Variants in PBX1 observed in about 807,000 individuals in gnomAD.
The protein encoded by PBX1 is PBX homeobox 1.
A neutral mutation model predicts 53.4 loss-of-function variants in PBX1; 6 were observed. The observed-to-expected ratio is 0.11, with a 90% CI of 0.06 to 0.22. The LOEUF (loss-of-function observed/expected upper bound fraction) is 0.22, where lower values mean the gene tolerates loss of function less well. PBX1 is among the 10% of genes least tolerant of loss of function. The pLI, the probability that PBX1 is intolerant of heterozygous loss-of-function variation, is 1.00. For synonymous variants in PBX1, 204 were observed against 212.3 expected, an observed-to-expected ratio of 0.96 and a Z score of 0.34; for missense variants, 251 against 551.4, an observed-to-expected ratio of 0.46 and a Z score of 5.46.
At chr1:164,585,070 T>C (rs979158135) in intron 2 of PBX1, among the ~76,000 whole-genome samples, 1 of 152,196 alleles carries the variant, frequency 6.6e-6, no homozygotes, top group Non-Finnish European at 1.5e-5. Flanking sequence ...GGAAATTAAC[T>C]AATTAATTTG....
chr1:164,707,414 T>A (rs1354209328), intron 2 of PBX1, among the ~76,000 whole-genome samples: 4 of 106,694 alleles, frequency 3.7e-5, no homozygotes, highest in Admixed American at 1.8e-4. Context: ...TGTGTGTGTG[T>A]GTGTGAGAGA....
intron 2 of PBX1, among the ~76,000 whole-genome samples, chr1:164,750,545 G>C (rs2102192669): frequency 6.6e-6 from 1 of 152,304 alleles, no homozygotes; most frequent in East Asian, 1.9e-4. Context: ...TTCCTATTGA[G>C]TGGGAATGAA....
chr1:164,840,504 C>T, intron 8 of PBX1, among the ~76,000 whole-genome samples: 1 of 152,084 alleles, frequency 6.6e-6, no homozygotes, highest in African/African-American at 2.4e-5. Flanking sequence ...GTCTGTTTTG[C>T]ATTTTTGCAA....
chr1:164,862,581 A>G (rs143136765), intron 2 of PBX1, among the ~76,000 whole-genome samples: 159 of 152,320 alleles, frequency 1.0e-3, no homozygotes, highest in African/African-American at 3.7e-3. Context: ...TTTGGTTCAT[A>G]GTTTTCAGAT....
chr1:164,792,044 C>T (rs192260208), intron 2 of PBX1, among the ~76,000 whole-genome samples: 3 of 152,184 alleles, frequency 2.0e-5, no homozygotes, highest in African/African-American at 4.8e-5. Context: ...AGGATGGTCT[C>T]GATCTCCTGA....
intron 2 of PBX1, among the ~76,000 whole-genome samples, chr1:164,587,893 T>A (rs2101758582): frequency 6.6e-6 from 1 of 152,282 alleles, no homozygotes; most frequent in Middle Eastern, 3.4e-3. Context: ...CCACCCCTTT[T>A]CTGAATCTCC....
intron 2 of PBX1, among the ~76,000 whole-genome samples, chr1:164,578,623 A>G (rs920780526): frequency 6.6e-6 from 1 of 152,162 alleles, no homozygotes; most frequent in African/African-American, 2.4e-5. Context: ...GGCAGAATCA[A>G]TGTGACATGG....
chr1:164,818,097 A>G (rs1440753911), intron 6 of PBX1: 1 of 152,254 alleles, frequency 6.6e-6, no homozygotes, highest in Non-Finnish European at 1.5e-5. Context: ...AAATGCAAGC[A>G]TGTATTGTAA....
chr1:164,806,707 C>T (rs1669371858), intron 4 of PBX1, among the ~76,000 whole-genome samples: 1 of 152,170 alleles, frequency 6.6e-6, no homozygotes, highest in Non-Finnish European at 1.5e-5. Context: ...ATAATCATAT[C>T]TGCCTCAGTA....
At chr1:164,584,470 A>G (rs1469061964) in intron 2 of PBX1, among the ~76,000 whole-genome samples, 1 of 152,222 alleles carries the variant, frequency 6.6e-6, no homozygotes, top group East Asian at 1.9e-4. Context: ...ATTAGAAGAC[A>G]GGATGGAAAA....
intron 2 of PBX1, among the ~76,000 whole-genome samples, chr1:164,595,520 A>T (rs1655694414): frequency 1.3e-5 from 2 of 151,032 alleles, no homozygotes; most frequent in Admixed American, 1.3e-4. Flanking sequence ...TTTTTTTTAA[A>T]GGAGAAGAGG....
chr1:164,647,671 T>C (rs1353791078), intron 2 of PBX1, among the ~76,000 whole-genome samples: 1 of 152,136 alleles, frequency 6.6e-6, no homozygotes, highest in Non-Finnish European at 1.5e-5. Flanking sequence ...TGGTACAGAG[T>C]GGTTTTCAAC....
At chr1:164,706,898 TCAAA>T (rs996774170) in intron 2 of PBX1, among the ~76,000 whole-genome samples, 2 of 152,150 alleles carry the variant, frequency 1.3e-5, no homozygotes, top group East Asian at 3.9e-4. Flanking sequence ...AAACCTTTAG[TCAAA>T]CAAAAGAAGC....
At chr1:164,620,871 C>T (rs1657626058) in intron 2 of PBX1, among the ~76,000 whole-genome samples, 1 of 152,052 alleles carries the variant, frequency 6.6e-6, no homozygotes, top group Admixed American at 6.5e-5. Context: ...TGATTAGAAA[C>T]AGGGTTTCAC....
At position 164,872,961 on chromosome 1, in the gene PBX1, G is replaced by A. The variant is rs185844965; in HGVS notation, n.258-26227G>A. Among the ~76,000 whole-genome samples the A allele has an allele frequency of 6.6e-5, 10 of 152,282 alleles. No individual in the cohort carries two copies. The East Asian group carries it at 1.9e-3, about 29-fold the overall frequency. On this transcript the variant is annotated intron_variant and non_coding_transcript_variant, in intron 2 of 2. Transcript: ENST00000558796. ...ATGCAGCAAAGAGCTACCACTTTTG[G>A]AGTATTTCTCCAACAGACATTGGGC...
At chr1:164,780,868 A>ACACCGTTAGTAT (rs1206368467) in intron 2 of PBX1, among the ~76,000 whole-genome samples, 2 of 152,106 alleles carry the variant, frequency 1.3e-5, no homozygotes, top group African/African-American at 4.8e-5. Context: ...CTTGTCCAGG[A>ACACCGTTAGTAT]CACCGTTAGT....
At chr1:164,696,242 G>C (rs1662792982) in intron 2 of PBX1, among the ~76,000 whole-genome samples, 1 of 152,030 alleles carries the variant, frequency 6.6e-6, no homozygotes, top group Admixed American at 6.5e-5. Context: ...GAATGAAAAA[G>C]ATCACACTTT....
intron 2 of PBX1, among the ~76,000 whole-genome samples, chr1:164,788,050 G>GA (rs1668291537): frequency 6.7e-6 from 1 of 149,386 alleles, no homozygotes; most frequent in African/African-American, 2.5e-5. Flanking sequence ...ACCTATTTCA[G>GA]AAAAAAGCTG....
downstream of PBX1, among the ~76,000 whole-genome samples, chr1:164,856,792 C>T (rs956398642): frequency 6.6e-6 from 1 of 152,122 alleles, no homozygotes; most frequent in African/African-American, 2.4e-5. Flanking sequence ...CTTTTCTGTT[C>T]GCACCTAGTG....
Sources: gnomAD v4.1 joint callset for allele counts (sites outside exome capture counted in the v4.1 genomes callset) on GRCh38, gnomAD v4.1.1 for gene constraint, MANE v1.5 for transcripts, NCBI Gene and HGNC (gene_info 2026-07-23, HGNC 2026-07-21) for gene names.